ST8SIA1: variants seen among roughly 807,000 people sequenced by gnomAD.
The protein encoded by ST8SIA1 is ST8 alpha-N-acetyl-neuraminide alpha-2,8-sialyltransferase 1, also known as alpha-N-acetylneuraminide alpha-2,8-sialyltransferase.
Under a neutral mutation model 35.9 loss-of-function variants are expected in ST8SIA1, and 16 were observed. The observed-to-expected ratio is 0.45, with a 90% CI of 0.30 to 0.68. The LOEUF is 0.68. Among genes scored for constraint, ST8SIA1 ranks in the 30% least tolerant of loss-of-function variants. The pLI is 0.09. For missense variants in ST8SIA1, 383 were observed against 453.6 expected, an observed-to-expected ratio of 0.84 and a Z score of 1.41; for synonymous variants, 170 against 169.6, an observed-to-expected ratio of 1.00 and a Z score of -0.02.
rs1193543233 is a variant in ST8SIA1 at position 22,315,625 on chromosome 12, C to T, written c.236+18372G>A. 7.2e-5 allele frequency among the ~76,000 whole-genome samples: 11 copies of T among 151,938 alleles called. No individual in the cohort carries two copies. The South Asian group carries it at 2.1e-3, about 29-fold the overall frequency. ...CAGTGAGCTGTGTTTCCTTTCAAAC[C>T]GAGAACCTATAGTGAAGGGCAAGAG... On this transcript the variant is annotated intron_variant, in intron 1 of 4. Coordinates refer to ENST00000396037, the MANE Select transcript of ST8SIA1 (RefSeq NM_003034.4).
chr12:22,252,663 G>T (rs1026626715), intron 3 of ST8SIA1, among the ~76,000 whole-genome samples: 1 of 152,162 alleles, frequency 6.6e-6, no homozygotes, highest in Non-Finnish European at 1.5e-5. Flanking sequence ...ACTCTAATCA[G>T]AAGCGTTCAT....
chr12:22,216,591 TTTA>T (rs571449790), intron 4 of ST8SIA1, among the ~76,000 whole-genome samples: 212 of 152,328 alleles, frequency 1.4e-3, no homozygotes, highest in Admixed American at 2.6e-3. Flanking sequence ...CTCTTATCAC[TTTA>T]TTTTTATCAA....
At chr12:22,213,511 T>A (rs886615168) in intron 4 of ST8SIA1, among the ~76,000 whole-genome samples, 5 of 152,140 alleles carry the variant, frequency 3.3e-5, no homozygotes, top group Non-Finnish European at 7.3e-5. Flanking sequence ...CTGAAATGAA[T>A]TTTGAAGAAT....
At chr12:22,236,466 T>C (rs1216819924) in intron 4 of ST8SIA1, among the ~76,000 whole-genome samples, 1 of 152,190 alleles carries the variant, frequency 6.6e-6, no homozygotes, top group Non-Finnish European at 1.5e-5. Context: ...CTCACTGACA[T>C]TTTACTGATT....
At chr12:22,213,157 A>G (rs1865193302) in intron 4 of ST8SIA1, among the ~76,000 whole-genome samples, 1 of 152,060 alleles carries the variant, frequency 6.6e-6, no homozygotes, top group African/African-American at 2.4e-5. Flanking sequence ...TTCATTCCCA[A>G]CCAATCAGCC....
intron 4 of ST8SIA1, among the ~76,000 whole-genome samples, chr12:22,205,617 A>G (rs2120618292): frequency 6.6e-6 from 1 of 152,304 alleles, no homozygotes; most frequent in African/African-American, 2.4e-5. Flanking sequence ...TAAGATAAGT[A>G]AGATAGATAT....
intron 2 of ST8SIA1, among the ~76,000 whole-genome samples, chr12:22,281,793 G>T (rs1866037867): frequency 7.4e-6 from 1 of 134,686 alleles, no homozygotes. Context: ...GACCAGCCTG[G>T]TCAACATAAC....
At chr12:22,277,661 C>T (rs904869879) in intron 2 of ST8SIA1, among the ~76,000 whole-genome samples, 10 of 152,288 alleles carry the variant, frequency 6.6e-5, no homozygotes, top group African/African-American at 1.9e-4. Flanking sequence ...GCCACCGCGC[C>T]TGTCTGTGAA....
chr12:22,224,549 G>C (rs1043565453), intron 4 of ST8SIA1, among the ~76,000 whole-genome samples: 1 of 152,118 alleles, frequency 6.6e-6, no homozygotes, highest in Admixed American at 6.5e-5. Context: ...ATAAGCATGA[G>C]CCACTGCGCC....
intron 4 of ST8SIA1, among the ~76,000 whole-genome samples, chr12:22,216,282 C>A (rs2120649409): frequency 6.6e-6 from 1 of 152,284 alleles, no homozygotes; most frequent in Non-Finnish European, 1.5e-5. Flanking sequence ...TCAAGGGCTT[C>A]TCCTCATCTT....
chr12:22,297,000 G>GA (rs1342151855), intron 1 of ST8SIA1, among the ~76,000 whole-genome samples: 2 of 152,152 alleles, frequency 1.3e-5, no homozygotes, highest in Non-Finnish European at 2.9e-5. Flanking sequence ...AGCAGGGTGG[G>GA]ATGCAGCGGG....
At chr12:22,236,551 T>C (rs1480786439) in intron 4 of ST8SIA1, among the ~76,000 whole-genome samples, 1 of 152,140 alleles carries the variant, frequency 6.6e-6, no homozygotes, top group East Asian at 1.9e-4. Flanking sequence ...CTGGTACAAA[T>C]TGTTGGCCCA....
chr12:22,227,624 T>C (rs183341834), intron 4 of ST8SIA1, among the ~76,000 whole-genome samples: 4 of 152,260 alleles, frequency 2.6e-5, no homozygotes, highest in African/African-American at 9.6e-5. Context: ...AGGTGTTCTA[T>C]ACCAAATTTT....
intron 1 of ST8SIA1, among the ~76,000 whole-genome samples, chr12:22,301,929 C>T (rs764948798): frequency 2.0e-5 from 3 of 152,198 alleles, no homozygotes; most frequent in Middle Eastern, 3.4e-3. Flanking sequence ...TCTGAGATTC[C>T]TTTTATGGAA....
intron 2 of ST8SIA1, among the ~76,000 whole-genome samples, chr12:22,284,105 T>TAGGACCTGTTGCCATTCC (rs1866067132): frequency 6.6e-6 from 1 of 152,200 alleles, no homozygotes; most frequent in Admixed American, 6.5e-5. Flanking sequence ...CCAGCCATTA[T>TAGGACCTGTTGCCATTCC]AGGACCTGTT....
At position 22,195,895 on chromosome 12, in the gene ST8SIA1, T is replaced by A. The variant is rs866004585; in HGVS notation, c.*5657A>T. The A allele has an allele frequency of 6.6e-6, 1 of 152,216 alleles. No homozygotes were observed. Among genetic ancestry groups the A allele is most frequent in the South Asian group, 2.1e-4 (1 of 4,838 alleles). 9.4% of individuals were successfully genotyped at this position (152,216 alleles called of 1,614,324 possible). A position where few individuals can be genotyped will look rare whatever the true frequency, so the allele number is the denominator to read the frequency against. Reference sequence around the variant, plus strand: ...GGATTATATCACATCTCTTAGATGTTTATTGGTGTTGTGTGAAGCATACAT... The same window carrying A: ...GGATTATATCACATCTCTTAGATGTATATTGGTGTTGTGTGAAGCATACAT... On this transcript the variant is annotated 3_prime_UTR_variant, in exon 5 of 5. Coordinates refer to ENST00000396037, the MANE Select transcript of ST8SIA1 (RefSeq NM_003034.4).
In ST8SIA1 at chr12:22,207,087, G is replaced by A. The variant is rs531970703; in HGVS notation, c.585-5049C>T. On this transcript the variant is annotated intron_variant, in intron 4 of 4. Transcript: ENST00000396037. ...GTAAGAGAAAAATACAGCTCCAGATGAATGTCTCAACAGAAACAGTGTCCC... is the reference window on the plus strand; with the variant it reads ...GTAAGAGAAAAATACAGCTCCAGATAAATGTCTCAACAGAAACAGTGTCCC... Among the ~76,000 whole-genome samples, 5 of 152,318 alleles carry A rather than the reference G, an allele frequency of 3.3e-5. No homozygotes were observed. In the East Asian group the frequency reaches 9.7e-4, roughly 29 times the overall value.
At position 22,218,533 on chromosome 12, in the gene ST8SIA1, G is replaced by A. The variant is rs559371986; in HGVS notation, c.585-16495C>T. Among the ~76,000 whole-genome samples, 110 of 151,356 alleles carry A rather than the reference G, an allele frequency of 7.3e-4. 1 individual carries two copies. Among genetic ancestry groups the A allele is most frequent in the Middle Eastern group, 3.4e-3 (1 of 292 alleles). On this transcript the variant is annotated intron_variant, in intron 4 of 4. Transcript: ENST00000396037. ...CTCGCGAAGCTGAGACACAAGAATC[G>A]CTTGAACCTGGGAGGCAGAGGTTGC...
At chr12:22,205,851 T>C (rs1291170706) in intron 4 of ST8SIA1, among the ~76,000 whole-genome samples, 1 of 152,182 alleles carries the variant, frequency 6.6e-6, no homozygotes, top group African/African-American at 2.4e-5. Context: ...AAATTGATTA[T>C]GTCATGTTGT....
Sources: allele counts gnomAD v4.1 joint callset (sites outside exome capture counted in the v4.1 genomes callset), GRCh38; gene constraint gnomAD v4.1.1; transcripts MANE v1.5; gene names NCBI Gene and HGNC (gene_info 2026-07-23, HGNC 2026-07-21).